Variants in NPHP4 observed in about 807,000 individuals in gnomAD.
NPHP4 encodes nephrocystin-4.
NPHP4 carries 151 observed loss-of-function variants against 155.8 expected under a neutral mutation model. The ratio of observed to expected loss-of-function variants is 0.97; its 90% confidence interval spans 0.85 to 1.11. NPHP4 has a LOEUF of 1.11. Ranked by LOEUF, NPHP4 falls within the 50% of genes least tolerant of loss-of-function variation. NPHP4 has a pLI of 0.00. For synonymous variants in NPHP4, 845 were observed against 816.8 expected, an observed-to-expected ratio of 1.03 and a Z score of -0.59; for missense variants, 1,956 against 1,925.7, an observed-to-expected ratio of 1.02 and a Z score of -0.29.
At chr1:5,864,951 G>T in intron 27 of NPHP4, 151 bp downstream of exon 27, 1 of 712,612 alleles carries the variant, frequency 1.4e-6, no homozygotes, top group Non-Finnish European at 2.4e-6. Flanking sequence ...AAAGGCAACT[G>T]CCGAGAGGCC....
chr1:5,935,645 C>T (rs190194997), intron 9 of NPHP4, among the ~76,000 whole-genome samples: 5 of 152,246 alleles, frequency 3.3e-5, no homozygotes, highest in African/African-American at 9.6e-5. Context: ...GAGGTCGAGG[C>T]GGGTGGATCA....
At chr1:5,903,455 G>C (rs553985637) in intron 16 of NPHP4, among the ~76,000 whole-genome samples, 6 of 152,176 alleles carry the variant, frequency 3.9e-5, no homozygotes. Flanking sequence ...TCTACCTCGA[G>C]AGGCGGCAGT....
intron 3 of NPHP4, among the ~76,000 whole-genome samples, chr1:5,977,706 A>G (rs953252536): frequency 6.7e-6 from 1 of 149,772 alleles, no homozygotes; most frequent in Non-Finnish European, 1.5e-5. Context: ...AGACCACCTG[A>G]GTGAAAACAC....
intron 5 of NPHP4, among the ~76,000 whole-genome samples, chr1:5,963,681 TTTC>T (rs1282315147): frequency 2.4e-5 from 3 of 124,400 alleles, no homozygotes; most frequent in African/African-American, 5.9e-5. Context: ...TTTCCAACCT[TTTC>T]TTTTCTTTTT....
Position 5,874,598 on chromosome 1 carries a change from G to A in NPHP4, c.3104C>T (p.Pro1035Leu), listed in dbSNP as rs376508978. Reference sequence around the variant, plus strand: ...CAGGTGGAACATGTCCTCCTCCACCGGTGTGTGCAGGCCAGCAGCACCCTT... The same window carrying A: ...CAGGTGGAACATGTCCTCCTCCACCAGTGTGTGCAGGCCAGCAGCACCCTT... ...DFKGAAGLHT[P>L]VEEDMFHLRG... The change falls in exon 22 of 30, where the codon CCG becomes CTG. Residue 1035 changes from proline to leucine, a missense_variant. By Grantham distance (98) the Pro-to-Leu change is moderately conservative. Coordinates refer to ENST00000378156, the MANE Select transcript of NPHP4 (RefSeq NM_015102.5). The A allele has an allele frequency of 3.6e-5, 58 of 1,611,456 alleles. No homozygotes were observed. Among genetic ancestry groups the A allele is most frequent in the African/African-American group, 9.4e-5 (7 of 74,832 alleles).
At chr1:5,866,911 GA>G in intron 25 of NPHP4, 118 bp downstream of exon 25, 1 of 768,946 alleles carries the variant, frequency 1.3e-6, no homozygotes, top group Non-Finnish European at 2.3e-6. Context: ...CCTTGGGAAA[GA>G]AACCACTTAG....
chr1:5,864,915 C>G, intron 27 of NPHP4, 187 bp downstream of exon 27: 1 of 612,932 alleles, frequency 1.6e-6, no homozygotes, highest in South Asian at 2.0e-5. Flanking sequence ...GTGTACGTCA[C>G]TCACCCCACA....
intron 16 of NPHP4, among the ~76,000 whole-genome samples, chr1:5,903,341 A>G (rs1644763923): frequency 6.6e-6 from 1 of 152,102 alleles, no homozygotes; most frequent in South Asian, 2.1e-4. Flanking sequence ...AGCCTCCTTG[A>G]TCCCTAGCGC....
chr1:5,935,522 A>C (rs1646492296), intron 9 of NPHP4, among the ~76,000 whole-genome samples: 1 of 152,264 alleles, frequency 6.6e-6, no homozygotes, highest in African/African-American at 2.4e-5. Flanking sequence ...ATTATAAAAC[A>C]GTGCTGAGCA....
chr1:5,922,253 G>A (rs1001951233), intron 11 of NPHP4, among the ~76,000 whole-genome samples: 1 of 152,192 alleles, frequency 6.6e-6, no homozygotes, highest in African/African-American at 2.4e-5. Context: ...CTGAGCCCTC[G>A]ATTTAAGACT....
At chr1:5,878,161 C>T (rs1224712231) in intron 19 of NPHP4, among the ~76,000 whole-genome samples, 3 of 152,224 alleles carry the variant, frequency 2.0e-5, no homozygotes, top group African/African-American at 7.2e-5. Context: ...CCACAGGAAA[C>T]CAATGCCAGC....
chr1:5,909,343 G>A, intron 11 of NPHP4, 130 bp from the exon 12 acceptor site: 4 of 754,014 alleles, frequency 5.3e-6, no homozygotes, highest in Non-Finnish European at 9.4e-6. Flanking sequence ...GGCAGCCGCT[G>A]GTTACCGTTC....
At chr1:5,985,465 G>A (rs1655334944) in intron 2 of NPHP4, among the ~76,000 whole-genome samples, 2 of 152,238 alleles carry the variant, frequency 1.3e-5, no homozygotes, top group Non-Finnish European at 2.9e-5. Context: ...ATCCAGCCAC[G>A]CACAGAGCTG....
intron 5 of NPHP4, among the ~76,000 whole-genome samples, chr1:5,964,094 C>T (rs556251060): frequency 6.6e-6 from 1 of 152,300 alleles, no homozygotes; most frequent in South Asian, 2.1e-4. Flanking sequence ...AGAGTGAGTG[C>T]TTTCTGTGTA....
At chr1:5,986,472 T>C (rs1229437759) in intron 1 of NPHP4, 145 bp from the exon 2 acceptor site, 7 of 640,164 alleles carry the variant, frequency 1.1e-5, no homozygotes, top group Non-Finnish European at 1.8e-5. Flanking sequence ...AGAGTGGACT[T>C]TGTTGCTGGC....
intron 9 of NPHP4, among the ~76,000 whole-genome samples, chr1:5,936,819 G>A (rs1045105319): frequency 6.6e-6 from 1 of 152,160 alleles, no homozygotes; most frequent in African/African-American, 2.4e-5. Context: ...CCTAATCCCC[G>A]GAACCTGTGG....
At chr1:5,876,970 A>T in intron 20 of NPHP4, 123 bp downstream of exon 20, 1 of 676,212 alleles carries the variant, frequency 1.5e-6, no homozygotes, top group Non-Finnish European at 2.2e-6. Context: ...ATTTTCTTAT[A>T]TTCTGTCCCC....
At chr1:5,922,904 G>A (rs10864245) in intron 11 of NPHP4, among the ~76,000 whole-genome samples, 32,048 of 152,022 alleles carry the variant, frequency 0.21, 4,016 homozygotes, top group African/African-American at 0.35. Context: ...AGGCTGAGGC[G>A]GGTGGATTGC....
At chr1:5,971,879 C>A (rs1041869393) in intron 3 of NPHP4, among the ~76,000 whole-genome samples, 3 of 152,266 alleles carry the variant, frequency 2.0e-5, no homozygotes, top group African/African-American at 7.2e-5. Context: ...GTCACCCCTG[C>A]CTCGCAGCTC....
Sources: gnomAD v4.1 joint callset for allele counts (sites outside exome capture counted in the v4.1 genomes callset) on GRCh38, gnomAD v4.1.1 for gene constraint, MANE v1.5 for transcripts, NCBI Gene and HGNC (gene_info 2026-07-23, HGNC 2026-07-21) for gene names.